Variants in SEPTIN14 observed in about 807,000 individuals in gnomAD.
The protein encoded by SEPTIN14 is septin 14.
A neutral mutation model predicts 53.6 loss-of-function variants in SEPTIN14; 40 were observed. The ratio of observed to expected loss-of-function variants is 0.75; its 90% CI spans 0.58 to 0.97. The LOEUF (loss-of-function observed/expected upper bound fraction) is 0.97, where lower values mean the gene tolerates loss of function less well. Ranked by LOEUF, SEPTIN14 falls within the 50% of genes least tolerant of loss-of-function variation. SEPTIN14 has a pLI of 0.00. For synonymous variants in SEPTIN14, 138 were observed against 166.8 expected (o/e 0.83, Z 1.33); for missense variants, 471 against 508.2 (o/e 0.93, Z 0.70).
intron 6 of SEPTIN14, among the ~76,000 whole-genome samples, chr7:55,821,556 T>C (rs1340525059): frequency 6.6e-6 from 1 of 152,192 alleles, no homozygotes; most frequent in Non-Finnish European, 1.5e-5. Context: ...ATTCAAAACA[T>C]ATTACAAAGC....
intron 6 of SEPTIN14, among the ~76,000 whole-genome samples, chr7:55,831,935 C>T (rs770802924): frequency 1.3e-4 from 20 of 152,174 alleles, no homozygotes; most frequent in Non-Finnish European, 2.6e-4. Flanking sequence ...GGCGCAGTGG[C>T]TCACACCTGT....
chr7:55,807,366 C>T (rs527348648), intron 7 of SEPTIN14, 108 bp from the exon 8 acceptor site: 7 of 668,708 alleles, frequency 1.0e-5, no homozygotes, highest in African/African-American at 3.7e-5. Flanking sequence ...AAATAACACA[C>T]AACTGAACAA....
rs1554331662 is a variant in SEPTIN14 at position 55,846,074 on chromosome 7, T to TATATATATATATATATATATAA, written c.175+442_175+443insTTATATATATATATATATATAT. On this transcript the variant is annotated intron_variant, in intron 3 of 9. Coordinates refer to ENST00000388975, the MANE Select transcript of SEPTIN14 (RefSeq NM_207366.3). ...AGAAAAAAAAAAAAAAGTATATATA[T>TATATATATATATATATATATAA]ATATATATATATATATATGTATACA... 2.8e-5 allele frequency among the ~76,000 whole-genome samples: 3 copies of TATATATATATATATATATATAA among 108,584 alleles called. 1 individual carries two copies. The highest frequency in any genetic ancestry group is 9.3e-5 in the African/African-American group (3 of 32,432). 71.2% of individuals were successfully genotyped at this position (108,584 alleles called of 152,430 possible).
intron 6 of SEPTIN14, among the ~76,000 whole-genome samples, chr7:55,820,779 A>C (rs1400227762): frequency 2.6e-5 from 4 of 152,082 alleles, no homozygotes; most frequent in Non-Finnish European, 1.5e-5. Flanking sequence ...GTCTCTACTA[A>C]AAATACAGAA....
intron 2 of SEPTIN14, among the ~76,000 whole-genome samples, chr7:55,855,175 AT>A (rs1382269309): frequency 1.6e-4 from 24 of 152,036 alleles, no homozygotes; most frequent in Admixed American, 6.6e-4. Flanking sequence ...TGCCCAGCTA[AT>A]TTTTTGTATT....
chr7:55,811,283 C>T, intron 7 of SEPTIN14: 1 of 517,332 alleles, frequency 1.9e-6, no homozygotes, highest in African/African-American at 1.9e-5. Flanking sequence ...AGAGGTTCTG[C>T]CTGTCAGACT....
At chr7:55,814,053 T>C (rs1035401888) in intron 7 of SEPTIN14, among the ~76,000 whole-genome samples, 1 of 152,092 alleles carries the variant, frequency 6.6e-6, no homozygotes, top group African/African-American at 2.4e-5. Context: ...CTCCTTCTGT[T>C]TGGGAGAAAG....
Position 55,828,128 on chromosome 7 carries a change from T to C in SEPTIN14, c.720+6297A>G, listed in dbSNP as rs1370705429. Reference sequence around the variant, plus strand: ...AAATTCTGAAATGAAAGATAATGAATTCAAAATATGGATTATAAGGAAGTT... The same window carrying C: ...AAATTCTGAAATGAAAGATAATGAACTCAAAATATGGATTATAAGGAAGTT... On this transcript the variant is annotated intron_variant, in intron 6 of 9. Coordinates refer to ENST00000388975, the MANE Select transcript of SEPTIN14 (RefSeq NM_207366.3). Among the ~76,000 whole-genome samples, 10 of 151,580 alleles carry C rather than the reference T, an allele frequency of 6.6e-5. No individual in the cohort carries two copies. The East Asian group carries it at 1.9e-3, about 29-fold the overall frequency.
chr7:55,847,709 T>C (rs1483701350), intron 2 of SEPTIN14, among the ~76,000 whole-genome samples: 3 of 152,170 alleles, frequency 2.0e-5, no homozygotes, highest in Non-Finnish European at 4.4e-5. Context: ...CAAAATCAAT[T>C]TGAAATTTTT....
chr7:55,821,152 G>A (rs1053843070), intron 6 of SEPTIN14, among the ~76,000 whole-genome samples: 43 of 152,102 alleles, frequency 2.8e-4, no homozygotes, highest in African/African-American at 9.9e-4. Context: ...AGAGTTGGAG[G>A]CTCCCTTTTA....
chr7:55,808,268 T>C (rs539847925), intron 7 of SEPTIN14, among the ~76,000 whole-genome samples: 1 of 152,160 alleles, frequency 6.6e-6, no homozygotes, highest in Non-Finnish European at 1.5e-5. Flanking sequence ...ACAAAATAAG[T>C]CTTAACATAT....
intron 5 of SEPTIN14, among the ~76,000 whole-genome samples, chr7:55,842,642 G>C (rs1289313360): frequency 6.6e-6 from 1 of 151,298 alleles, no homozygotes; most frequent in Non-Finnish European, 1.5e-5. Flanking sequence ...GCTGGGCACG[G>C]TGGCTCACAC....
chr7:55,830,890 A>G (rs114148243), intron 6 of SEPTIN14, among the ~76,000 whole-genome samples: 2,179 of 152,272 alleles, frequency 0.014, 54 homozygotes, highest in African/African-American at 0.05. Context: ...TGCCACAAGT[A>G]TAATGAAGAG....
At chr7:55,826,396 A>G (rs1222094198) in intron 6 of SEPTIN14, among the ~76,000 whole-genome samples, 5 of 152,196 alleles carry the variant, frequency 3.3e-5, no homozygotes, top group Non-Finnish European at 5.9e-5. Flanking sequence ...CTATCAATGG[A>G]TTTCTCAAAA....
At chr7:55,809,435 A>G (rs1298232246) in intron 7 of SEPTIN14, among the ~76,000 whole-genome samples, 2 of 148,620 alleles carry the variant, frequency 1.3e-5, no homozygotes, top group Non-Finnish European at 3.0e-5. Flanking sequence ...GGCTCACTGC[A>G]ACCTGCACTT....
At chr7:55,829,820 CAAAAAAAAAAA>C (rs35998043) in intron 6 of SEPTIN14, among the ~76,000 whole-genome samples, 5 of 37,610 alleles carry the variant, frequency 1.3e-4, no homozygotes, top group Non-Finnish European at 1.8e-4. Flanking sequence ...GACTCCATCT[CAAAAAAAAAAA>C]AAAAAAAAAA....
At position 55,842,990 on chromosome 7, in the gene SEPTIN14, A is replaced by T; in HGVS notation, c.510T>A (p.His170Gln). 1.3e-6 allele frequency: 2 copies of T among 1,565,114 alleles called. No homozygotes were observed. The highest frequency in any genetic ancestry group is 1.7e-6 in the Non-Finnish European group (2 of 1,155,760). Residue 170 changes from histidine to glutamine, a missense_variant, in exon 5 of 10, where the codon CAT becomes CAA. Physicochemically the swap from His to Gln is conservative, Grantham distance 24. Coordinates refer to ENST00000388975, the MANE Select transcript of SEPTIN14 (RefSeq NM_207366.3). ...TTAATAGATCAAGAGACTTCAGGGA[A>T]TGTCCTGTAGGTGAAATGAAGTAAA... The part of the protein sequence containing the change: ...VCLYFISPTG[H>Q]SLKSLDLLTM...
intron 2 of SEPTIN14, among the ~76,000 whole-genome samples, chr7:55,861,343 A>T: frequency 6.6e-6 from 1 of 152,064 alleles, no homozygotes; most frequent in East Asian, 1.9e-4. Flanking sequence ...ACTAAAAAAA[A>T]ATCCAAAAGT....
chr7:55,859,248 T>A (rs1789701677), intron 2 of SEPTIN14, among the ~76,000 whole-genome samples: 1 of 152,144 alleles, frequency 6.6e-6, no homozygotes, highest in Non-Finnish European at 1.5e-5. Context: ...TACTTTTAGG[T>A]CTTTTATCTA....
Sources: gnomAD v4.1 joint callset for allele counts (sites outside exome capture counted in the v4.1 genomes callset) on GRCh38, gnomAD v4.1.1 for gene constraint, MANE v1.5 for transcripts, NCBI Gene and HGNC (gene_info 2026-07-23, HGNC 2026-07-21) for gene names.